RNF216: variants seen among roughly 807,000 people sequenced by gnomAD.
RNF216 encodes the protein E3 ubiquitin-protein ligase RNF216.
In RNF216, 72 loss-of-function variants were observed where a neutral mutation model predicts 110.8. That is an observed-to-expected ratio of 0.65 (90% CI 0.54 to 0.79). RNF216 has a LOEUF of 0.79. Ranked by LOEUF, RNF216 falls within the 30% of genes least tolerant of loss-of-function variation. RNF216 has a pLI of 0.00. For missense variants in RNF216, 1,342 were observed against 1,141.2 expected, an observed-to-expected ratio of 1.18 and a Z score of -2.54; for synonymous variants, 495 against 407.5, an observed-to-expected ratio of 1.21 and a Z score of -2.59.
chr7:5,641,956 C>A (rs1023266736), intron 14 of RNF216, among the ~76,000 whole-genome samples: 2 of 150,258 alleles, frequency 1.3e-5, no homozygotes, highest in African/African-American at 4.9e-5. Context: ...TCGCTTAAAC[C>A]CGGGAGGTGA....
chr7:5,713,784 T>C (rs563461784), intron 11 of RNF216, among the ~76,000 whole-genome samples: 2 of 152,366 alleles, frequency 1.3e-5, no homozygotes, highest in Admixed American at 6.5e-5. Context: ...CTAAAATTTA[T>C]GAGGCATTTA....
At chr7:5,741,858 G>T in intron 3 of RNF216, 43 bp from the exon 4 acceptor site, 2 of 1,549,794 alleles carry the variant, frequency 1.3e-6, no homozygotes. Flanking sequence ...TCTTTCCTAT[G>T]CCTATCCCTC....
intron 13 of RNF216, among the ~76,000 whole-genome samples, chr7:5,675,714 C>CTTTTTTTTTTT (rs754444984): frequency 0.029 from 4,102 of 140,630 alleles, 134 homozygotes; most frequent in South Asian, 0.047. Flanking sequence ...TATTCAAATT[C>CTTTTTTTTTTT]TTTTTTTTTT....
chr7:5,701,856 T>C (rs1205577427), intron 13 of RNF216, among the ~76,000 whole-genome samples: 2 of 152,106 alleles, frequency 1.3e-5, no homozygotes, highest in African/African-American at 4.8e-5. Context: ...GACAACTTAC[T>C]ATGAAAGCCC....
chr7:5,776,401 G>A (rs969244531), intron 1 of RNF216, among the ~76,000 whole-genome samples: 53 of 150,344 alleles, frequency 3.5e-4, no homozygotes, highest in African/African-American at 1.3e-3. Context: ...GGCTAACACG[G>A]TGAAACCCCG....
chr7:5,689,857 T>C (rs1477942076), intron 13 of RNF216, among the ~76,000 whole-genome samples: 1 of 151,670 alleles, frequency 6.6e-6, no homozygotes, highest in Non-Finnish European at 1.5e-5. Flanking sequence ...GGAGAATCAC[T>C]TGAATCCAGG....
chr7:5,651,328 G>A (rs542084324), intron 14 of RNF216, among the ~76,000 whole-genome samples: 131 of 151,586 alleles, frequency 8.6e-4, no homozygotes, highest in African/African-American at 3.0e-3. Context: ...CCTGGTTCAA[G>A]CAATTCTCTT....
At chr7:5,712,346 G>C (rs768106266) in intron 12 of RNF216, among the ~76,000 whole-genome samples, 1 of 152,074 alleles carries the variant, frequency 6.6e-6, no homozygotes, top group Non-Finnish European at 1.5e-5. Flanking sequence ...GGTGGTGCAC[G>C]CCTGTAATCC....
At chr7:5,780,983 C>A (rs1352225716) in intron 1 of RNF216, among the ~76,000 whole-genome samples, 1 of 152,238 alleles carries the variant, frequency 6.6e-6, no homozygotes, top group African/African-American at 2.4e-5. Context: ...CCGAGCCGGG[C>A]CAGCCCCCAG....
intron 13 of RNF216, among the ~76,000 whole-genome samples, chr7:5,686,707 T>C (rs1160316110): frequency 6.6e-6 from 1 of 152,220 alleles, no homozygotes; most frequent in African/African-American, 2.4e-5. Context: ...CAATGACATA[T>C]TACCTACAGA....
intron 13 of RNF216, among the ~76,000 whole-genome samples, chr7:5,665,753 A>C (rs1789468469): frequency 6.6e-6 from 1 of 152,100 alleles, no homozygotes; most frequent in Admixed American, 6.6e-5. Context: ...CAAAACTACC[A>C]ATTCCCTTAG....
chr7:5,627,854 C>G (rs1786811319), intron 15 of RNF216, among the ~76,000 whole-genome samples: 1 of 152,164 alleles, frequency 6.6e-6, no homozygotes, highest in Admixed American at 6.5e-5. Context: ...GCTCTGGCCC[C>G]CTGTGGCACT....
intron 13 of RNF216, among the ~76,000 whole-genome samples, chr7:5,709,146 G>C (rs1363641156): frequency 6.6e-6 from 1 of 152,152 alleles, no homozygotes; most frequent in Non-Finnish European, 1.5e-5. Flanking sequence ...GTCAGTACGT[G>C]CTAGTTTCAC....
chr7:5,640,661 C>T (rs852470), intron 15 of RNF216, among the ~76,000 whole-genome samples: 144,604 of 152,382 alleles, frequency 0.95, 68,689 homozygotes, highest in East Asian at 1. Context: ...TAATGATTTA[C>T]GTTAATAGAA....
At position 5,696,755 on chromosome 7, in the gene RNF216, C is replaced by T. The variant is rs1279807516; in HGVS notation, c.2061+15006G>A. Among the ~76,000 whole-genome samples the T allele has an allele frequency of 6.6e-6, 1 of 152,176 alleles. No homozygotes were observed. The highest frequency in any genetic ancestry group is 1.5e-5 in the Non-Finnish European group (1 of 68,020). On this transcript the variant is annotated intron_variant, in intron 13 of 16. Coordinates refer to ENST00000389902, the MANE Select transcript of RNF216 (RefSeq NM_207111.4). The surrounding 1 kb of genome is among the most constrained non-coding windows in gnomAD (Gnocchi z 5.4). ...TGGAAAATGGGAAAAGTAATCACAG[C>T]AAATACCTGCAACATTGTACGAACG...
chr7:5,631,162 A>T (rs1787047407), intron 15 of RNF216, among the ~76,000 whole-genome samples: 1 of 152,220 alleles, frequency 6.6e-6, no homozygotes, highest in Non-Finnish European at 1.5e-5. Flanking sequence ...CAAGGAAACA[A>T]ACAGCCAAAA....
rs146415631 is a variant in RNF216 at position 5,699,837 on chromosome 7, C to G, written c.2061+11924G>C. Among the ~76,000 whole-genome samples, 577 of 152,320 alleles carry G rather than the reference C, an allele frequency of 3.8e-3. 3 individuals are homozygous for G. Among genetic ancestry groups the G allele is most frequent in the African/African-American group, 0.013 (559 of 41,582 alleles). On this transcript the variant is annotated intron_variant, in intron 13 of 16. Coordinates refer to ENST00000389902, the MANE Select transcript of RNF216 (RefSeq NM_207111.4). Reference sequence around the variant, plus strand: ...GGTCTGTGGGAAGGCCATGTGGCCTCTGGGAACTGGAGATGTGACAGAGAC... The same window carrying G: ...GGTCTGTGGGAAGGCCATGTGGCCTGTGGGAACTGGAGATGTGACAGAGAC...
chr7:5,632,780 AAAAAC>A (rs1246756862), intron 15 of RNF216, among the ~76,000 whole-genome samples: 3 of 152,166 alleles, frequency 2.0e-5, no homozygotes, highest in African/African-American at 7.2e-5. Context: ...TCCATCTCCA[AAAAAC>A]AAAACGAAGC....
chr7:5,642,034 AAAAAAAAAAAAG>A (rs1261199991), intron 14 of RNF216, among the ~76,000 whole-genome samples: 24 of 139,304 alleles, frequency 1.7e-4, no homozygotes, highest in Non-Finnish European at 3.0e-4. Context: ...CTCTATCTTA[AAAAAAAAAAAAG>A]AAAAAAAAAA....
Sources: allele counts gnomAD v4.1 joint callset (sites outside exome capture counted in the v4.1 genomes callset), GRCh38; gene constraint gnomAD v4.1.1; non-coding constraint Gnocchi (gnomAD v3.1); transcripts MANE v1.5; gene names NCBI Gene and HGNC (gene_info 2026-07-23, HGNC 2026-07-21).